The following CTNNA3 variants were observed in gnomAD, a reference collection of about 807,000 sequenced individuals.
CTNNA3 encodes catenin alpha-3.
Under a neutral mutation model 95.7 loss-of-function variants are expected in CTNNA3, and 76 were observed. The observed-to-expected ratio is 0.79, with a 90% CI of 0.66 to 0.96. The LOEUF (loss-of-function observed/expected upper bound fraction) is 0.96, where lower values mean the gene tolerates loss of function less well. CTNNA3 is among the 40% of genes least tolerant of loss of function. CTNNA3 has a pLI of 0.00. For missense variants in CTNNA3, 1,191 were observed against 1,089.8 expected (o/e 1.09, Z -1.31); for synonymous variants, 431 against 374.4 (o/e 1.15, Z -1.74).
At chr10:66,369,056 T>C (rs547606813) in intron 12 of CTNNA3, among the ~76,000 whole-genome samples, 7 of 152,208 alleles carry the variant, frequency 4.6e-5, no homozygotes, top group Middle Eastern at 3.4e-3. Flanking sequence ...GACAGTAAAA[T>C]TAAATGGTGG....
At chr10:65,975,882 T>C (rs1204900659) in intron 16 of CTNNA3, among the ~76,000 whole-genome samples, 1 of 152,164 alleles carries the variant, frequency 6.6e-6, no homozygotes, top group Non-Finnish European at 1.5e-5. Context: ...GTAACTTTCT[T>C]ATCTATTCTT....
At chr10:66,967,748 C>A (rs1394906546) in intron 7 of CTNNA3, among the ~76,000 whole-genome samples, 1 of 151,870 alleles carries the variant, frequency 6.6e-6, no homozygotes, top group Non-Finnish European at 1.5e-5. Context: ...ATAAGAGTGC[C>A]AGTGAGAAAA....
intron 11 of CTNNA3, among the ~76,000 whole-genome samples, chr10:66,448,153 C>T (rs1166884582): frequency 1.3e-5 from 2 of 152,000 alleles, no homozygotes; most frequent in South Asian, 2.1e-4. Flanking sequence ...GTTAGAATGG[C>T]AATCATTAAA....
intron 1 of CTNNA3, among the ~76,000 whole-genome samples, chr10:67,695,715 C>G (rs1450281240): frequency 6.6e-6 from 1 of 152,138 alleles, no homozygotes; most frequent in Non-Finnish European, 1.5e-5. Flanking sequence ...AGTATCCAAT[C>G]GGCTTTTTAT....
chr10:65,954,760 A>G (rs2077695037), intron 17 of CTNNA3, among the ~76,000 whole-genome samples: 1 of 152,304 alleles, frequency 6.6e-6, no homozygotes, highest in African/African-American at 2.4e-5. Context: ...CTGTTTTGGT[A>G]CCAGTACCAT....
intron 7 of CTNNA3, among the ~76,000 whole-genome samples, chr10:67,159,954 T>G: frequency 6.6e-6 from 1 of 152,068 alleles, no homozygotes; most frequent in East Asian, 1.9e-4. Context: ...AAGGAAACAT[T>G]TGCAAATCAT....
intron 7 of CTNNA3, among the ~76,000 whole-genome samples, chr10:67,024,148 C>T (rs569193027): frequency 6.6e-6 from 1 of 152,302 alleles, no homozygotes; most frequent in African/African-American, 2.4e-5. Flanking sequence ...AATATGTTTC[C>T]TTGCCTCTCT....
At chr10:66,202,722 A>G (rs1430004673) in intron 13 of CTNNA3, among the ~76,000 whole-genome samples, 1 of 151,812 alleles carries the variant, frequency 6.6e-6, no homozygotes, top group Non-Finnish European at 1.5e-5. Context: ...GTCTGGCAAT[A>G]TTTTCATTTT....
intron 5 of CTNNA3, among the ~76,000 whole-genome samples, chr10:67,229,890 T>A (rs1351052492): frequency 6.6e-6 from 1 of 152,150 alleles, no homozygotes; most frequent in East Asian, 1.9e-4. Context: ...AAAATAACCA[T>A]GCTGCCAAAA....
intron 11 of CTNNA3, among the ~76,000 whole-genome samples, chr10:66,418,217 A>G (rs2093162476): frequency 6.6e-6 from 1 of 151,778 alleles, no homozygotes; most frequent in Admixed American, 6.6e-5. Flanking sequence ...GAAATACAAA[A>G]GATCATCAGA....
intron 13 of CTNNA3, among the ~76,000 whole-genome samples, chr10:66,129,994 A>G (rs1217123102): frequency 6.6e-6 from 1 of 152,114 alleles, no homozygotes; most frequent in East Asian, 1.9e-4. Context: ...CCATTGTCCT[A>G]GGAGCATTGG....
intron 11 of CTNNA3, among the ~76,000 whole-genome samples, chr10:66,415,173 T>C (rs1239378276): frequency 6.6e-6 from 1 of 152,104 alleles, no homozygotes; most frequent in Non-Finnish European, 1.5e-5. Flanking sequence ...GTACATGCCA[T>C]CTGGGGGCCT....
At chr10:67,008,010 T>G (rs1388448706) in intron 7 of CTNNA3, among the ~76,000 whole-genome samples, 7 of 152,044 alleles carry the variant, frequency 4.6e-5, no homozygotes, top group Admixed American at 4.6e-4. Context: ...TATACTTGAA[T>G]TAATCACAGT....
chr10:67,320,903 A>C (rs576754884), intron 5 of CTNNA3, among the ~76,000 whole-genome samples: 3 of 152,212 alleles, frequency 2.0e-5, no homozygotes, highest in African/African-American at 7.2e-5. Context: ...AACAAATCCT[A>C]AAGTAGTTAT....
chr10:67,191,494 G>A (rs965083147), intron 6 of CTNNA3, among the ~76,000 whole-genome samples: 17 of 151,680 alleles, frequency 1.1e-4, no homozygotes, highest in Admixed American at 5.9e-4. Flanking sequence ...ACAATGCAAT[G>A]TATATTAGCA....
At chr10:66,430,798 C>T (rs1161381217) in intron 11 of CTNNA3, among the ~76,000 whole-genome samples, 2 of 152,082 alleles carry the variant, frequency 1.3e-5, no homozygotes, top group Non-Finnish European at 2.9e-5. Flanking sequence ...ACCATAAAAA[C>T]CCTGGAAGAA....
At chr10:66,091,815 C>A (rs939976972) in intron 14 of CTNNA3, among the ~76,000 whole-genome samples, 8 of 151,540 alleles carry the variant, frequency 5.3e-5, no homozygotes, top group African/African-American at 9.7e-5. Context: ...GGAAAACAGA[C>A]CTAAAGCCAA....
chr10:67,271,549 G>T (rs2132419178), intron 5 of CTNNA3, among the ~76,000 whole-genome samples: 1 of 152,248 alleles, frequency 6.6e-6, no homozygotes, highest in African/African-American at 2.4e-5. Flanking sequence ...ATAGCAATGT[G>T]AGAACGGACT....
At chr10:65,973,406 G>C (rs2078147313) in intron 16 of CTNNA3, among the ~76,000 whole-genome samples, 1 of 152,082 alleles carries the variant, frequency 6.6e-6, no homozygotes, top group African/African-American at 2.4e-5. Context: ...AGAGTACATA[G>C]ACAACCCACA....
Sources: gnomAD v4.1 joint callset for allele counts (sites outside exome capture counted in the v4.1 genomes callset) on GRCh38, gnomAD v4.1.1 for gene constraint, MANE v1.5 for transcripts, NCBI Gene and HGNC (gene_info 2026-07-23, HGNC 2026-07-21) for gene names.